The following ACTL8 variants were observed in gnomAD, a reference collection of about 807,000 sequenced individuals.
ACTL8 encodes the protein actin-like protein 8.
A neutral mutation model predicts 9.3 loss-of-function variants in ACTL8; 3 were observed. That is an observed-to-expected ratio of 0.32 (90% CI 0.15 to 0.83). ACTL8 has a LOEUF of 0.83. ACTL8 is among the 40% of genes least tolerant of loss of function. The pLI is 0.57. For synonymous variants in ACTL8, 224 were observed against 205.9 expected (o/e 1.09, Z -0.75); for missense variants, 381 against 492.2 (o/e 0.77, Z 2.14).
chr1:17,762,772 C>T (rs1274812051), intron 1 of ACTL8, among the ~76,000 whole-genome samples: 2 of 152,112 alleles, frequency 1.3e-5, no homozygotes, highest in Non-Finnish European at 2.9e-5. Flanking sequence ...CCCCCGCCCC[C>T]CAAGGCCTTG....
At chr1:17,822,464 A>G (rs1413699647) in intron 1 of ACTL8, among the ~76,000 whole-genome samples, 1 of 152,218 alleles carries the variant, frequency 6.6e-6, no homozygotes, top group African/African-American at 2.4e-5. Flanking sequence ...TTCTCCAGAA[A>G]ATGGTCCCTG....
chr1:17,823,354 G>C lies in ACTL8; in HGVS notation c.346G>C (p.Glu116Gln). 1 of 1,611,636 alleles carries C rather than the reference G, an allele frequency of 6.2e-7. No individual in the cohort carries two copies. Among genetic ancestry groups the C allele is most frequent in the Non-Finnish European group, 8.5e-7 (1 of 1,178,930 alleles). The change falls in exon 2 of 3, where the codon GAG becomes CAG. Residue 116 changes from glutamate (E) to glutamine (Q), a missense_variant and splice_region_variant. Glu to Gln is a conservative substitution (Grantham distance 29). Transcript: ENST00000375406. The surrounding 1 kb of genome is among the most constrained non-coding windows in gnomAD (Gnocchi z 5.3). ...REPADRKKML[E>Q]ILFELLHVPS... The stretch of plus-strand genomic sequence containing the variant: ...GCCTGCGGACCGAAAGAAGATGCTG[G>C]AGGTGAGGCCTGCCGGGGCCTGCTC...
chr1:17,771,382 G>T (rs778453647), intron 1 of ACTL8, among the ~76,000 whole-genome samples: 2 of 152,068 alleles, frequency 1.3e-5, no homozygotes, highest in African/African-American at 4.8e-5. Context: ...GATTTGGCCC[G>T]TGGGCCATAG....
chr1:17,756,214 C>T (rs1204596557), intron 1 of ACTL8, among the ~76,000 whole-genome samples: 1 of 151,914 alleles, frequency 6.6e-6, no homozygotes, highest in East Asian at 1.9e-4. Flanking sequence ...GGGCTCTTCC[C>T]AGGGGGCCTC....
At chr1:17,824,731 C>A (rs2053699482) in intron 2 of ACTL8, among the ~76,000 whole-genome samples, 1 of 152,130 alleles carries the variant, frequency 6.6e-6, no homozygotes. Flanking sequence ...AATTTGGCAA[C>A]CCTTACTGTC....
Position 17,778,670 on chromosome 1 carries a change from G to A in ACTL8, c.-25+23166G>A, listed in dbSNP as rs12060947. On this transcript the variant is annotated intron_variant, in intron 1 of 2. Coordinates refer to ENST00000375406, the MANE Select transcript of ACTL8 (RefSeq NM_030812.3). ...TTTAGGGAAGTTAATTCCCTACTCCGGGCCTATCTTTCTTCTCCGTACAAG... is the reference window on the plus strand; with the variant it reads ...TTTAGGGAAGTTAATTCCCTACTCCAGGCCTATCTTTCTTCTCCGTACAAG... 6.9e-3 allele frequency among the ~76,000 whole-genome samples: 1,052 copies of A among 152,184 alleles called. 12 individuals carry two copies. Among genetic ancestry groups the A allele is most frequent in the African/African-American group, 0.024 (981 of 41,538 alleles).
rs186406805 is a variant in ACTL8, at chr1:17,776,492, C to T, written c.-25+20988C>T. Among the ~76,000 whole-genome samples the T allele has an allele frequency of 1.7e-3, 262 of 152,260 alleles. 1 individual carries two copies. The highest frequency in any genetic ancestry group is 6.0e-3 in the African/African-American group (249 of 41,544). ...GTTGCGGGGTGAGGCTCACTCGCTT[C>T]GGCTCCTCTGCAGTCTCCCAGGAGC... On this transcript the variant is annotated intron_variant, in intron 1 of 2. Coordinates refer to ENST00000375406, the MANE Select transcript of ACTL8 (RefSeq NM_030812.3).
At chr1:17,787,783 G>A (rs1204336441) in intron 1 of ACTL8, among the ~76,000 whole-genome samples, 1 of 152,006 alleles carries the variant, frequency 6.6e-6, no homozygotes, top group Non-Finnish European at 1.5e-5. Flanking sequence ...TTGGATTGCT[G>A]GGTCAAAAGG....
chr1:17,825,986 A>G lies in ACTL8; in HGVS notation c.568A>G (p.Lys190Glu), dbSNP rs761739868. 1 of 1,609,068 alleles carries G rather than the reference A, an allele frequency of 6.2e-7. No individual in the cohort carries two copies. Among genetic ancestry groups the G allele is most frequent in the East Asian group, 2.2e-5 (1 of 44,878 alleles). ...LSAYLLKSLF[K>E]EDCDRRCLFQ... is the part of the protein sequence containing the mutation. ...CGCCTATCTCCTCAAGAGTCTCTTT[A>G]AGGAAGATTGCGATAGACGCTGCCT... Residue 190 changes from lysine (K) to glutamate (E), a missense_variant, in exon 3 of 3, where the codon AAG becomes GAG. Physicochemically the swap from Lys to Glu is moderately conservative, Grantham distance 56 (BLOSUM62 1). This residue lies in a region of ACTL8 where 243 missense variants were observed against 276.2 expected (regional missense o/e 0.88). Coordinates refer to ENST00000375406, the MANE Select transcript of ACTL8 (RefSeq NM_030812.3).
chr1:17,773,521 G>A lies in ACTL8; in HGVS notation c.-25+18017G>A, dbSNP rs1160850866. ...TGCCGGCTTAGCTCTACCCTTATGC[G>A]TTTATTTATGATGCCATAGAGTGGA... On this transcript the variant is annotated intron_variant, in intron 1 of 2. Coordinates refer to ENST00000375406, the MANE Select transcript of ACTL8 (RefSeq NM_030812.3). 2.6e-5 allele frequency among the ~76,000 whole-genome samples: 4 copies of A among 152,202 alleles called. No individual in the cohort carries two copies. In the South Asian group the frequency reaches 6.2e-4, roughly 24 times the overall value.
rs1267413304 is a variant in ACTL8 at position 17,825,772 on chromosome 1, G to C, written c.354G>C (p.Leu118=). The C allele has an allele frequency of 1.9e-6, 3 of 1,611,450 alleles. No homozygotes were observed. Among genetic ancestry groups the C allele is most frequent in the Admixed American group, 3.3e-5 (2 of 59,980 alleles). The change falls in exon 3 of 3, where the codon CTG becomes CTC. Residue 118 remains leucine, a synonymous_variant. Transcript: ENST00000375406. ...TGAATTCTCCCTCGTTGCAGATCCT[G>C]TTTGAGTTGCTGCATGTCCCATCGG... ...PADRKKMLEI[L]FELLHVPSVL...
intron 1 of ACTL8, among the ~76,000 whole-genome samples, chr1:17,819,708 C>T (rs2053634284): frequency 6.6e-6 from 1 of 152,210 alleles, no homozygotes; most frequent in South Asian, 2.1e-4. Context: ...TGAATATTCC[C>T]ACACCCGCTG....
intron 1 of ACTL8, among the ~76,000 whole-genome samples, chr1:17,821,251 G>A (rs750603825): frequency 7.9e-5 from 12 of 152,066 alleles, no homozygotes; most frequent in African/African-American, 1.9e-4. Flanking sequence ...AGTAAATAGC[G>A]TCTTTGGAAG....
At chr1:17,777,460 G>A (rs1039400260) in intron 1 of ACTL8, among the ~76,000 whole-genome samples, 3 of 152,082 alleles carry the variant, frequency 2.0e-5, no homozygotes, top group Admixed American at 6.5e-5. Context: ...AGATAAACAC[G>A]TGCCTGGTGG....
rs541963626 is a variant in ACTL8, at chr1:17,804,869, G to T, written c.-24-18116G>T. ...GACTTCAGATGATCACCCACCTTGGGCTCCCAAAGTGCTGGGATTACAGGT... is the reference window on the plus strand; with the variant it reads ...GACTTCAGATGATCACCCACCTTGGTCTCCCAAAGTGCTGGGATTACAGGT... On this transcript the variant is annotated intron_variant, in intron 1 of 2. Coordinates refer to ENST00000375406, the MANE Select transcript of ACTL8 (RefSeq NM_030812.3). 2.6e-5 allele frequency among the ~76,000 whole-genome samples: 4 copies of T among 151,930 alleles called. No individual in the cohort carries two copies. In the South Asian group the frequency reaches 8.3e-4, roughly 32 times the overall value.
Position 17,801,076 on chromosome 1 carries a change from G to T in ACTL8, c.-24-21909G>T, listed in dbSNP as rs529675721. On this transcript the variant is annotated intron_variant, in intron 1 of 2. Transcript: ENST00000375406. ...TTGCCAATCTATTAAAATAATTCTT[G>T]CACTTCTGTGCTAAACTCTGTTCTG... Among the ~76,000 whole-genome samples, 9 of 152,284 alleles carry T rather than the reference G, an allele frequency of 5.9e-5. No homozygotes were observed. In the South Asian group the frequency reaches 1.5e-3, roughly 25 times the overall value.
chr1:17,813,655 C>T (rs1213603290), intron 1 of ACTL8, among the ~76,000 whole-genome samples: 5 of 152,098 alleles, frequency 3.3e-5, no homozygotes, highest in African/African-American at 1.2e-4. Context: ...GGTGTGTTGC[C>T]TCCTCTTTTG....
At chr1:17,799,450 ATC>A (rs2066304647) in intron 1 of ACTL8, among the ~76,000 whole-genome samples, 1 of 145,564 alleles carries the variant, frequency 6.9e-6, no homozygotes, top group Non-Finnish European at 1.5e-5. Flanking sequence ...CAATTTCCTC[ATC>A]TTTTTGTCTT....
At chr1:17,807,718 G>A (rs542934947) in intron 1 of ACTL8, among the ~76,000 whole-genome samples, 3 of 152,120 alleles carry the variant, frequency 2.0e-5, no homozygotes, top group African/African-American at 4.8e-5. Flanking sequence ...GCTGGAAACC[G>A]TCATTCTCAG....
Sources: gnomAD v4.1 joint callset for allele counts (sites outside exome capture counted in the v4.1 genomes callset) on GRCh38, gnomAD v4.1.1 for gene constraint, gnomAD v4.1.1 regional missense constraint, Gnocchi (gnomAD v3.1) non-coding constraint, MANE v1.5 for transcripts, NCBI Gene and HGNC (gene_info 2026-07-23, HGNC 2026-07-21) for gene names.